CABIN1: variants seen among roughly 807,000 people sequenced by gnomAD.
CABIN1 encodes the protein calcineurin binding protein 1.
Under a neutral mutation model 227.7 loss-of-function variants are expected in CABIN1, and 133 were observed. The ratio of observed to expected loss-of-function variants is 0.58; its 90% CI spans 0.51 to 0.67. The LOEUF (loss-of-function observed/expected upper bound fraction) is 0.67, where lower values mean the gene tolerates loss of function less well. Among genes scored for constraint, CABIN1 ranks in the 30% least tolerant of loss-of-function variants. The probability of loss-of-function intolerance (pLI) is 0.00; values close to 1 mark genes in which losing one functional copy is unlikely to be tolerated. For synonymous variants in CABIN1, 1,086 were observed against 1,155.1 expected (o/e 0.94, Z 1.21); for missense variants, 2,408 against 2,852.5 (o/e 0.84, Z 3.55).
chr22:24,030,631 C>T (rs1247113024), intron 1 of CABIN1, among the ~76,000 whole-genome samples: 2 of 152,158 alleles, frequency 1.3e-5, no homozygotes, highest in Admixed American at 6.5e-5. Context: ...TGTTCTCCTA[C>T]ACTGTGGACT....
chr22:24,168,992 T>C (rs374106221), intron 33 of CABIN1, among the ~76,000 whole-genome samples: 102 of 151,904 alleles, frequency 6.7e-4, no homozygotes, highest in African/African-American at 2.4e-3. Context: ...TGGAGTTTAT[T>C]AAGCAGGGAG....
At chr22:24,142,808 C>T (rs963460052) in intron 29 of CABIN1, among the ~76,000 whole-genome samples, 7 of 152,182 alleles carry the variant, frequency 4.6e-5, no homozygotes, top group Admixed American at 2.6e-4. Context: ...CAGGGTGTTC[C>T]TGCCTACCTT....
rs1417957632 is a variant in CABIN1 at position 24,042,817 on chromosome 22, ACTGTGTGT to A, written c.346-86_346-79del. The A allele has an allele frequency of 3.6e-5, 21 of 577,620 alleles. No homozygotes were observed. In the African/African-American group the frequency reaches 1.1e-3, roughly 31 times the overall value. The allele number at this position is 577,620 out of a possible 1,614,324, so 35.8% of individuals were successfully genotyped here. On this transcript the variant is annotated intron_variant, in intron 5 of 36. Transcript: ENST00000263119. ...GGGTGCATATTCAAGGAGAGATCTG[ACTGTGTGT>A]GTGTGTGTGTGTGTGTGTGTGTGTG...
chr22:24,060,493 T>TGA, intron 12 of CABIN1, among the ~76,000 whole-genome samples: 1 of 151,944 alleles, frequency 6.6e-6, no homozygotes, highest in South Asian at 2.1e-4. Context: ...TGTGAGGGAA[T>TGA]GAGAGTCATG....
chr22:24,048,399 A>G (rs762952838), intron 6 of CABIN1, among the ~76,000 whole-genome samples: 1 of 152,044 alleles, frequency 6.6e-6, no homozygotes, highest in Non-Finnish European at 1.5e-5. Context: ...ACCAGGTGCC[A>G]TGGTGGGACA....
At chr22:24,137,028 A>C (rs2148258492) in intron 29 of CABIN1, among the ~76,000 whole-genome samples, 1 of 152,312 alleles carries the variant, frequency 6.6e-6, no homozygotes, top group East Asian at 1.9e-4. Context: ...CCTCACCTTG[A>C]AAGTGGGCTT....
intron 29 of CABIN1, among the ~76,000 whole-genome samples, chr22:24,147,670 C>G (rs2045236586): frequency 6.6e-6 from 1 of 151,822 alleles, no homozygotes; most frequent in Non-Finnish European, 1.5e-5. Flanking sequence ...TGTCAAACTC[C>G]TGGGCTCAAG....
At position 24,072,416 on chromosome 22, in the gene CABIN1, A is replaced by C. The variant is rs748658853; in HGVS notation, c.2538A>C (p.Leu846=). Reference sequence around the variant, plus strand: ...AGGAGCCCCACGTCTCTTCAGTGCTACCCTGGATCATTCTACACCGGATCA... The same window carrying C: ...AGGAGCCCCACGTCTCTTCAGTGCTCCCCTGGATCATTCTACACCGGATCA... ...EAKEPHVSSV[L]PWIILHRIIW... is the part of the protein sequence containing the mutation. Residue 846 remains leucine, a synonymous_variant, in exon 18 of 37, where the codon CTA becomes CTC. Transcript: ENST00000263119. The C allele has an allele frequency of 3.1e-6, 5 of 1,614,106 alleles. No homozygotes were observed. The Admixed American group carries it at 8.3e-5, about 27-fold the overall frequency.
chr22:24,128,710 C>G (rs2148081820), intron 28 of CABIN1, among the ~76,000 whole-genome samples: 1 of 152,336 alleles, frequency 6.6e-6, no homozygotes, highest in South Asian at 2.1e-4. Context: ...CCCGTGAGCA[C>G]CATCTGTGCC....
Position 24,177,985 on chromosome 22 carries a change from G to A in CABIN1, c.6520-68G>A. 6.2e-7 allele frequency: 1 copy of A among 1,607,738 alleles called. No individual in the cohort carries two copies. ...GAGGGGGGCCTGGGGCAGGGGTGAA[G>A]GTGGCAGAGGGGCTTGGGGCAGAGC... On this transcript the variant is annotated intron_variant, in intron 36 of 36. Transcript: ENST00000263119. The surrounding 1 kb of genome is among the most constrained non-coding windows in gnomAD (Gnocchi z 4.4).
chr22:24,038,305 G>C lies in CABIN1; in HGVS notation c.97-43G>C, dbSNP rs767629341. The C allele has an allele frequency of 9.8e-6, 15 of 1,523,670 alleles. No homozygotes were observed. The South Asian group carries it at 1.3e-4, about 14-fold the overall frequency. 94.4% of individuals were successfully genotyped at this position (1,523,670 alleles called of 1,614,324 possible). On this transcript the variant is annotated intron_variant, in intron 3 of 36. Coordinates refer to ENST00000263119, the MANE Select transcript of CABIN1 (RefSeq NM_012295.4). ...ACACATTTTTGGCTTAAAAAAGACA[G>C]ATCTTTATGCTGTATGAAAACATCT...
chr22:24,124,412 C>T (rs140993727), intron 28 of CABIN1, among the ~76,000 whole-genome samples: 137 of 152,356 alleles, frequency 9.0e-4, no homozygotes, highest in African/African-American at 3.2e-3. Flanking sequence ...CCTGAGAGAC[C>T]TTTGTTGCCT....
intron 29 of CABIN1, among the ~76,000 whole-genome samples, chr22:24,136,678 T>C (rs2044436131): frequency 6.6e-6 from 1 of 151,422 alleles, no homozygotes; most frequent in African/African-American, 2.4e-5. Context: ...CCATCCCTTA[T>C]TGATGGACAC....
At chr22:24,056,763 C>T (rs977199747) in intron 10 of CABIN1, among the ~76,000 whole-genome samples, 3 of 152,170 alleles carry the variant, frequency 2.0e-5, no homozygotes, top group Non-Finnish European at 2.9e-5. Flanking sequence ...TTGCTCCAGG[C>T]TCAGCAGGAT....
At chr22:24,166,059 C>T (rs532196495) in intron 31 of CABIN1, among the ~76,000 whole-genome samples, 1 of 152,328 alleles carries the variant, frequency 6.6e-6, no homozygotes, top group South Asian at 2.1e-4. Flanking sequence ...AGCAGCCAGC[C>T]TACGAGGTGG....
Position 24,050,951 on chromosome 22 carries a change from T to C in CABIN1, c.783T>C (p.Leu261=), listed in dbSNP as rs1427057324. ...GGGAGAAGGAGCCGGACCTGAAACT[T>C]GTGCAGCCCATTCCTTTCTTCACGT... ...IVREKEPDLK[L]VQPIPFFTWK... Residue 261 remains leucine, a synonymous_variant, in exon 8 of 37, where the codon CTT becomes CTC. Transcript: ENST00000263119. 6.2e-7 allele frequency: 1 copy of C among 1,614,214 alleles called. No homozygotes were observed. The highest frequency in any genetic ancestry group is 2.2e-5 in the East Asian group (1 of 44,890).
intron 29 of CABIN1, among the ~76,000 whole-genome samples, chr22:24,135,848 G>A (rs1039453124): frequency 1.3e-4 from 20 of 152,190 alleles, no homozygotes; most frequent in Non-Finnish European, 1.5e-5. Flanking sequence ...TGGGCAGGCA[G>A]GTCCCCGCTG....
At chr22:24,155,971 TGCCCCGCCCCGGCCCGCC>T in intron 29 of CABIN1, 1 of 537,648 alleles carries the variant, frequency 1.9e-6, no homozygotes, top group Non-Finnish European at 3.2e-6. Flanking sequence ...CGGCCGCGCC[TGCCCCGCCCCGGCCCGCC>T]GCGAGCGAGA....
At chr22:24,131,659 G>A (rs2044081245) in intron 28 of CABIN1, among the ~76,000 whole-genome samples, 1 of 152,202 alleles carries the variant, frequency 6.6e-6, no homozygotes, top group Non-Finnish European at 1.5e-5. Context: ...GCAAACCACA[G>A]CCCAGGTATC....
Sources: gnomAD v4.1 joint callset for allele counts (sites outside exome capture counted in the v4.1 genomes callset) on GRCh38, gnomAD v4.1.1 for gene constraint, Gnocchi (gnomAD v3.1) non-coding constraint, MANE v1.5 for transcripts, NCBI Gene and HGNC (gene_info 2026-07-23, HGNC 2026-07-21) for gene names.